The following USPL1 variants were observed in gnomAD, a reference collection of about 807,000 sequenced individuals.
USPL1 encodes ubiquitin specific peptidase like 1.
A neutral mutation model predicts 51.5 loss-of-function variants in USPL1; 27 were observed. The observed-to-expected ratio is 0.52, with a 90% confidence interval of 0.39 to 0.72. The LOEUF is 0.72. USPL1 is among the 30% of genes least tolerant of loss of function. The probability of loss-of-function intolerance (pLI) is 0.00; values close to 1 mark genes in which losing one functional copy is unlikely to be tolerated. For synonymous variants in USPL1, 451 were observed against 459.6 expected, an observed-to-expected ratio of 0.98 and a Z score of 0.24; for missense variants, 1,226 against 1,268.0, an observed-to-expected ratio of 0.97 and a Z score of 0.50.
intron 4 of USPL1, among the ~76,000 whole-genome samples, chr13:30,635,507 C>T (rs1950864029): frequency 6.6e-6 from 1 of 152,150 alleles, no homozygotes; most frequent in African/African-American, 2.4e-5. Flanking sequence ...TTGTCTAACC[C>T]AGCACTCATA....
intron 1 of USPL1, among the ~76,000 whole-genome samples, chr13:30,619,907 CTT>C (rs1950626084): frequency 6.6e-6 from 1 of 152,188 alleles, no homozygotes; most frequent in South Asian, 2.1e-4. Context: ...AGTCAGGAAA[CTT>C]TTGGCTGTTG....
In USPL1 at chr13:30,647,069, T is replaced by C. The variant is rs1192752019; in HGVS notation, c.1238+12T>C. The C allele has an allele frequency of 2.5e-6, 4 of 1,601,880 alleles. No homozygotes were observed. Among genetic ancestry groups the C allele is most frequent in the Non-Finnish European group, 3.4e-6 (4 of 1,170,008 alleles). On this transcript the variant is annotated intron_variant, in intron 7 of 8. Coordinates refer to ENST00000255304, the MANE Select transcript of USPL1 (RefSeq NM_005800.5). ...ATGGTATTAGAAAAGTGAGTTAAAA[T>C]TGTCTTATAATTTTTAGTACAAAAT...
Position 30,631,211 on chromosome 13 carries a change from A to G in USPL1, c.605A>G (p.Gln202Arg). The part of the protein sequence containing the change: ...DVSGTGRPSP[Q>R]NEGCTSKLEM... ...TCTGGAACTGGCAGACCTTCCCCTC[A>G]AAATGAAGGATGTACATCTAAACTG... The change falls in exon 4 of 9, where the codon CAA becomes CGA. Residue 202 changes from glutamine (Q) to arginine (R), a missense_variant. Physicochemically the swap from Gln to Arg is conservative, Grantham distance 43. Coordinates refer to ENST00000255304, the MANE Select transcript of USPL1 (RefSeq NM_005800.5). The G allele has an allele frequency of 1.2e-6, 2 of 1,614,184 alleles. No individual in the cohort carries two copies. The highest frequency in any genetic ancestry group is 1.7e-6 in the Non-Finnish European group (2 of 1,180,024).
At chr13:30,651,972 AAAG>A (rs1427129064) in intron 7 of USPL1, among the ~76,000 whole-genome samples, 1 of 152,164 alleles carries the variant, frequency 6.6e-6, no homozygotes, top group Non-Finnish European at 1.5e-5. Context: ...AGAAAAAAAA[AAAG>A]GTCAGATAGG....
intron 3 of USPL1, among the ~76,000 whole-genome samples, chr13:30,622,552 G>T (rs1218540633): frequency 6.6e-6 from 1 of 152,188 alleles, no homozygotes; most frequent in Admixed American, 6.5e-5. Flanking sequence ...TGATTTCAGA[G>T]GGTTTGGGAA....
chr13:30,642,668 A>T lies in USPL1; in HGVS notation c.1023A>T (p.Leu341Phe). The change falls in exon 6 of 9, where the codon TTA becomes TTT. Residue 341 changes from leucine to phenylalanine, a missense_variant. Leu to Phe is a conservative substitution (Grantham distance 22, BLOSUM62 0). Coordinates refer to ENST00000255304, the MANE Select transcript of USPL1 (RefSeq NM_005800.5). ...CTGTGTTTGCATTTCCCCTGCTCTT[A>T]AAACTAGAAACCCACATTGAAAAGC... ...ESPVFAFPLLLKLETHIEKLF... is the reference protein window; with the variant it reads ...ESPVFAFPLLFKLETHIEKLF... 6.2e-7 allele frequency: 1 copy of T among 1,613,926 alleles called. No homozygotes were observed. Among genetic ancestry groups the T allele is most frequent in the Non-Finnish European group, 8.5e-7 (1 of 1,179,870 alleles).
Position 30,623,088 on chromosome 13 carries a change from T to C in USPL1, c.228+1196T>C, listed in dbSNP as rs548401611. Among the ~76,000 whole-genome samples the C allele has an allele frequency of 2.0e-5, 3 of 152,208 alleles. No individual in the cohort carries two copies. In the South Asian group the frequency reaches 6.2e-4, roughly 32 times the overall value. ...AAAAATAAGGCAGTAGGGACTGGAA[T>C]GCCAAAGTAGGGGGAGTTTGCAATT... is the stretch of plus-strand genomic sequence containing the variant. On this transcript the variant is annotated intron_variant, in intron 3 of 8. Coordinates refer to ENST00000255304, the MANE Select transcript of USPL1 (RefSeq NM_005800.5).
chr13:30,646,824 A>G lies in USPL1; in HGVS notation c.1113-108A>G. On this transcript the variant is annotated intron_variant, in intron 6 of 8. Transcript: ENST00000255304. ...TGCCATATTAACATGATTTGGGGAA[A>G]TAAGAAAGTATGAATCACGAAAAAG... 6 of 1,237,224 alleles carry G rather than the reference A, an allele frequency of 4.8e-6. 1 individual carries two copies. Among genetic ancestry groups the G allele is most frequent in the Non-Finnish European group, 5.5e-6 (5 of 909,254 alleles). The allele number at this position is 1,237,224 out of a possible 1,614,324, so 76.6% of individuals were successfully genotyped here. A position where few individuals can be genotyped will look rare whatever the true frequency, so the allele number is the denominator to read the frequency against.
intron 7 of USPL1, among the ~76,000 whole-genome samples, chr13:30,651,223 A>G (rs1951088391): frequency 6.6e-6 from 1 of 152,220 alleles, no homozygotes; most frequent in Non-Finnish European, 1.5e-5. Flanking sequence ...CTTAACATAT[A>G]ATTGCTCTAG....
At chr13:30,634,435 C>T (rs1199080324) in intron 4 of USPL1, among the ~76,000 whole-genome samples, 1 of 152,164 alleles carries the variant, frequency 6.6e-6, no homozygotes, top group Non-Finnish European at 1.5e-5. Flanking sequence ...CCATAGGAAG[C>T]AAAACACGGA....
chr13:30,653,053 G>C, intron 7 of USPL1, 95 bp from the exon 8 acceptor site: 2 of 1,260,192 alleles, frequency 1.6e-6, no homozygotes, highest in Middle Eastern at 2.0e-4. Flanking sequence ...AGCCTTGGAA[G>C]TGTTATGTGT....
chr13:30,621,396 C>T (rs1276755744), intron 2 of USPL1, among the ~76,000 whole-genome samples, 157 bp downstream of exon 2: 1 of 151,806 alleles, frequency 6.6e-6, no homozygotes, highest in Non-Finnish European at 1.5e-5. Context: ...AATGTGTTTA[C>T]CTTTCTGTGT....
chr13:30,631,034 G>A lies in USPL1; in HGVS notation c.428G>A (p.Gly143Glu), dbSNP rs146374694. Reference protein sequence around the residue: ...GGKVLNSKHNGEVYDETSSNL... With the variant: ...GGKVLNSKHNEEVYDETSSNL... The stretch of plus-strand genomic sequence containing the variant: ...AAAGTTTTGAACAGCAAACATAATG[G>A]AGAAGTATATGACGAAACCTCGTCA... Residue 143 changes from glycine (G) to glutamate (E), a missense_variant, in exon 4 of 9, where the codon GGA becomes GAA. Coordinates refer to ENST00000255304, the MANE Select transcript of USPL1 (RefSeq NM_005800.5). 2.7e-4 allele frequency: 437 copies of A among 1,614,108 alleles called. No homozygotes were observed. The highest frequency in any genetic ancestry group is 1.3e-3 in the Admixed American group (77 of 60,016).
chr13:30,629,065 G>A (rs1950762169), intron 3 of USPL1, among the ~76,000 whole-genome samples: 1 of 152,180 alleles, frequency 6.6e-6, no homozygotes, highest in African/African-American at 2.4e-5. Flanking sequence ...TCTAGAACTT[G>A]TCCATTTATA....
At chr13:30,620,686 A>G (rs1405856018) in intron 1 of USPL1, among the ~76,000 whole-genome samples, 1 of 152,206 alleles carries the variant, frequency 6.6e-6, no homozygotes, top group Non-Finnish European at 1.5e-5. Context: ...TAGTGGCACA[A>G]TGGATCTGGG....
chr13:30,618,631 C>T (rs537496718), intron 1 of USPL1, among the ~76,000 whole-genome samples: 4 of 152,134 alleles, frequency 2.6e-5, no homozygotes, highest in Non-Finnish European at 4.4e-5. Context: ...CCAGGGCCAC[C>T]TTGACACGTT....
intron 6 of USPL1, among the ~76,000 whole-genome samples, chr13:30,644,363 G>A (rs949770432): frequency 6.6e-6 from 1 of 151,780 alleles, no homozygotes; most frequent in African/African-American, 2.4e-5. Context: ...AGTAGTCAAG[G>A]AGAGTTCAGT....
intron 7 of USPL1, among the ~76,000 whole-genome samples, chr13:30,650,299 G>A (rs759614035): frequency 6.9e-4 from 105 of 152,240 alleles, no homozygotes; most frequent in African/African-American, 1.9e-3. Context: ...AATGCTGGCC[G>A]GGCATGGTGG....
At position 30,658,663 on chromosome 13, in the gene USPL1, A is replaced by G; in HGVS notation, c.2586A>G (p.Gln862=). 1.2e-6 allele frequency: 2 copies of G among 1,614,168 alleles called. No homozygotes were observed. The highest frequency in any genetic ancestry group is 1.7e-6 in the Non-Finnish European group (2 of 1,180,016). ...CTGGAAGCACCTCATGTGGAGCTCA[A>G]CTCAACCACAGTTCTTATGGGAATG... ...EKSGSTSCGA[Q]LNHSSYGNGI... Residue 862 remains glutamine (Q), a synonymous_variant, in exon 9 of 9, where the codon CAA becomes CAG. Coordinates refer to ENST00000255304, the MANE Select transcript of USPL1 (RefSeq NM_005800.5).
Sources: allele counts gnomAD v4.1 joint callset (sites outside exome capture counted in the v4.1 genomes callset), GRCh38; gene constraint gnomAD v4.1.1; transcripts MANE v1.5; gene names NCBI Gene and HGNC (gene_info 2026-07-23, HGNC 2026-07-21).